Variants in RABGAP1L observed in about 807,000 individuals in gnomAD.
The protein encoded by RABGAP1L is RAB GTPase activating protein 1 like, also known as rab GTPase-activating protein 1-like.
Under a neutral mutation model 137.7 loss-of-function variants are expected in RABGAP1L, and 63 were observed. The ratio of observed to expected loss-of-function variants is 0.46; its 90% CI spans 0.37 to 0.56. The LOEUF (loss-of-function observed/expected upper bound fraction) is 0.56. Ranked by LOEUF, RABGAP1L falls within the 20% of genes least tolerant of loss-of-function variation. The probability of loss-of-function intolerance (pLI) is 0.00; values close to 1 mark genes in which losing one functional copy is unlikely to be tolerated. For synonymous variants in RABGAP1L, 431 were observed against 433.7 expected, an observed-to-expected ratio of 0.99 and a Z score of 0.08; for missense variants, 1,095 against 1,244.0, an observed-to-expected ratio of 0.88 and a Z score of 1.80.
chr1:174,712,157 A>G (rs1363132148), intron 17 of RABGAP1L, among the ~76,000 whole-genome samples: 1 of 152,192 alleles, frequency 6.6e-6, no homozygotes, highest in African/African-American at 2.4e-5. Context: ...AAACGGACCA[A>G]TCAGCTCTCT....
chr1:174,645,170 G>A (rs1269132227), intron 14 of RABGAP1L, among the ~76,000 whole-genome samples: 2 of 151,820 alleles, frequency 1.3e-5, no homozygotes, highest in East Asian at 3.8e-4. Context: ...ACGTTGTGTT[G>A]TAAACCACAA....
At chr1:174,838,134 T>G (rs978704753) in intron 19 of RABGAP1L, among the ~76,000 whole-genome samples, 3 of 152,218 alleles carry the variant, frequency 2.0e-5, no homozygotes, top group Admixed American at 1.3e-4. Flanking sequence ...TTGGCAGTGA[T>G]TACGTGTAAG....
chr1:174,892,768 C>A, intron 19 of RABGAP1L: 1 of 392,910 alleles, frequency 2.5e-6, no homozygotes, highest in South Asian at 1.9e-5. Context: ...TTGCTCTTGT[C>A]GCCCAGGCTG....
At chr1:174,471,340 A>G (rs1657914083) in intron 13 of RABGAP1L, among the ~76,000 whole-genome samples, 1 of 152,196 alleles carries the variant, frequency 6.6e-6, no homozygotes, top group South Asian at 2.1e-4. Context: ...TATTAAGACA[A>G]TGTTCATCCC....
chr1:174,419,083 A>G (rs1289940890), intron 13 of RABGAP1L, among the ~76,000 whole-genome samples: 1 of 152,186 alleles, frequency 6.6e-6, no homozygotes, highest in Non-Finnish European at 1.5e-5. Context: ...TACCAATTCC[A>G]TACCTCTCTT....
intron 13 of RABGAP1L, among the ~76,000 whole-genome samples, chr1:174,475,904 GAACATTATATATGTATAATT>G (rs1658455455): frequency 6.7e-6 from 1 of 148,914 alleles, no homozygotes; most frequent in African/African-American, 2.5e-5. Context: ...TAACTTATTA[GAACATTATATATGTATAATT>G]AACATTATAC....
chr1:174,380,629 A>G (rs1317609101), intron 12 of RABGAP1L, among the ~76,000 whole-genome samples: 8 of 152,070 alleles, frequency 5.3e-5, no homozygotes, highest in South Asian at 2.1e-4. Flanking sequence ...GGGATCTGTG[A>G]TGATATCCCC....
At position 174,437,497 on chromosome 1, in the gene RABGAP1L, A is replaced by G. The variant is rs1015517940; in HGVS notation, c.1710+43352A>G. On this transcript the variant is annotated intron_variant, in intron 13 of 25. Transcript: ENST00000681986. ...ATGGAAGACGAAATGAATAAAATGA[A>G]GCGTGAAGAGAAGTTTAGAGAAAAA... 2.0e-5 allele frequency among the ~76,000 whole-genome samples: 3 copies of G among 152,296 alleles called. No homozygotes were observed. The South Asian group carries it at 6.2e-4, about 32-fold the overall frequency.
intron 14 of RABGAP1L, among the ~76,000 whole-genome samples, chr1:174,679,841 A>G (rs578082817): frequency 1.3e-5 from 2 of 152,364 alleles, no homozygotes; most frequent in South Asian, 2.1e-4. Context: ...CTAAATTTAT[A>G]TGGAAATGCA....
At chr1:174,318,257 C>A (rs1412210324) in intron 11 of RABGAP1L, among the ~76,000 whole-genome samples, 1 of 152,112 alleles carries the variant, frequency 6.6e-6, no homozygotes, top group South Asian at 2.1e-4. Flanking sequence ...TCTTTTTACA[C>A]TTTTGAACTT....
chr1:174,175,042 A>G (rs1665720876), intron 1 of RABGAP1L, among the ~76,000 whole-genome samples: 1 of 152,226 alleles, frequency 6.6e-6, no homozygotes, highest in South Asian at 2.1e-4. Context: ...TAAAATATGA[A>G]ATAGGATGAA....
At chr1:174,576,706 A>G (rs1261829172) in intron 13 of RABGAP1L, among the ~76,000 whole-genome samples, 1 of 152,178 alleles carries the variant, frequency 6.6e-6, no homozygotes, top group Non-Finnish European at 1.5e-5. Flanking sequence ...CTGATATATC[A>G]CACTGCTGAA....
intron 13 of RABGAP1L, among the ~76,000 whole-genome samples, chr1:174,410,584 A>G (rs1223181220): frequency 6.6e-6 from 1 of 151,538 alleles, no homozygotes; most frequent in Non-Finnish European, 1.5e-5. Context: ...TGCGTTCTTT[A>G]TTTTGTTGGT....
rs552729394 is a variant in RABGAP1L at position 174,990,063 on chromosome 1, T to G, written c.*62T>G. 1 of 1,442,926 alleles carries G rather than the reference T, an allele frequency of 6.9e-7. No individual in the cohort carries two copies. Among genetic ancestry groups the G allele is most frequent in the South Asian group, 1.3e-5 (1 of 77,430 alleles). The allele number at this position is 1,442,926 out of a possible 1,614,324, so 89.4% of individuals were successfully genotyped here. ...AACCAATGGAAATCTGGGAGGATTC[T>G]TCCTGGTGTCCCTTTGAAGGAAAGT... On this transcript the variant is annotated 3_prime_UTR_variant, in exon 26 of 26. Coordinates refer to ENST00000681986, the MANE Select transcript of RABGAP1L (RefSeq NM_001366446.1).
chr1:174,239,222 C>G (rs1414602311), intron 4 of RABGAP1L, among the ~76,000 whole-genome samples: 5 of 152,170 alleles, frequency 3.3e-5, no homozygotes, highest in Non-Finnish European at 7.4e-5. Context: ...AGAAATCACC[C>G]GTCTTCTGCG....
intron 19 of RABGAP1L, among the ~76,000 whole-genome samples, chr1:174,906,014 A>G (rs966591671): frequency 6.6e-6 from 1 of 152,222 alleles, no homozygotes; most frequent in East Asian, 1.9e-4. Context: ...AGGAAGGGGA[A>G]GAAAGCTTAT....
At chr1:174,734,514 C>G (rs915280119) in intron 17 of RABGAP1L, among the ~76,000 whole-genome samples, 1 of 152,118 alleles carries the variant, frequency 6.6e-6, no homozygotes, top group Non-Finnish European at 1.5e-5. Context: ...CTCAGGACAG[C>G]AACTAGAAGA....
At chr1:174,822,509 AC>A (rs1467133568) in intron 19 of RABGAP1L, among the ~76,000 whole-genome samples, 1 of 152,098 alleles carries the variant, frequency 6.6e-6, no homozygotes, top group East Asian at 1.9e-4. Context: ...CATTTAAAAA[AC>A]TCAGCTTTTG....
intron 19 of RABGAP1L, among the ~76,000 whole-genome samples, chr1:174,893,878 A>G (rs1656686822): frequency 6.6e-6 from 1 of 152,234 alleles, no homozygotes; most frequent in South Asian, 2.1e-4. Flanking sequence ...TTCTTTGAGT[A>G]TACAAATTAA....
Sources: gnomAD v4.1 joint callset for allele counts (sites outside exome capture counted in the v4.1 genomes callset) on GRCh38, gnomAD v4.1.1 for gene constraint, MANE v1.5 for transcripts, NCBI Gene and HGNC (gene_info 2026-07-23, HGNC 2026-07-21) for gene names.